The following BRF1 variants were observed in gnomAD, a reference collection of about 807,000 sequenced individuals.
BRF1 encodes BRF1 general transcription factor IIIB subunit.
A neutral mutation model predicts 81.7 loss-of-function variants in BRF1; 59 were observed. The ratio of observed to expected loss-of-function variants is 0.72; its 90% CI spans 0.59 to 0.90. BRF1 has a LOEUF of 0.90. Among genes scored for constraint, BRF1 ranks in the 40% least tolerant of loss-of-function variants. The probability of loss-of-function intolerance (pLI) is 0.00; values close to 1 mark genes in which losing one functional copy is unlikely to be tolerated. For missense variants in BRF1, 1,050 were observed against 936.3 expected (o/e 1.12, Z -1.58); for synonymous variants, 491 against 395.6 (o/e 1.24, Z -2.86).
At chr14:105,248,336 C>CG in intron 5 of BRF1, 2 of 985,490 alleles carry the variant, frequency 2.0e-6, no homozygotes, top group Non-Finnish European at 2.4e-6. Flanking sequence ...AACTGAAGAA[C>CG]GGGCGCAAGC....
chr14:105,217,820 AAT>A lies in BRF1; in HGVS notation c.1516-22_1516-21del. 2 of 1,606,170 alleles carry A rather than the reference AAT, an allele frequency of 1.2e-6. No homozygotes were observed. Among genetic ancestry groups the A allele is most frequent in the Non-Finnish European group, 1.7e-6 (2 of 1,175,852 alleles). On this transcript the variant is annotated intron_variant, in intron 14 of 17. Transcript: ENST00000547530. ...CTTGGGCTTGAGGGAAACAAGCAAG[AAT>A]GCCTCCCGTGAGTCACGCCCACTGC...
In BRF1 at chr14:105,212,408, C is replaced by T. The variant is rs373243258; in HGVS notation, c.1773-244G>A. ...TCGACACAAACACAGAAGCTGCAGA[C>T]GCCCCGCTCCCCAGCCCACTCCCCT... On this transcript the variant is annotated intron_variant, in intron 15 of 17. Transcript: ENST00000547530. 506 of 498,206 alleles carry T rather than the reference C, an allele frequency of 1.0e-3. 12 individuals are homozygous for T. The highest frequency in any genetic ancestry group is 8.6e-3 in the South Asian group (354 of 41,390). 30.9% of individuals were successfully genotyped at this position (498,206 alleles called of 1,614,324 possible). A position where few individuals can be genotyped will look rare whatever the true frequency, so the allele number is the denominator to read the frequency against.
intron 5 of BRF1, chr14:105,250,871 G>C (rs764422636): frequency 8.0e-6 from 5 of 627,232 alleles, no homozygotes; most frequent in Non-Finnish European, 1.4e-5. Flanking sequence ...TGGTACAGTG[G>C]GGTGCACGTC....
intron 1 of BRF1, among the ~76,000 whole-genome samples, chr14:105,294,275 G>T (rs778667973): frequency 6.6e-6 from 1 of 152,250 alleles, no homozygotes; most frequent in African/African-American, 2.4e-5. Context: ...CCTCCCTCCA[G>T]AGAGTGTGCC....
At chr14:105,216,172 G>A (rs1237149149) in intron 15 of BRF1, among the ~76,000 whole-genome samples, 2 of 152,052 alleles carry the variant, frequency 1.3e-5, no homozygotes, top group Admixed American at 6.6e-5. Context: ...CACACACAGA[G>A]AGACACACAT....
chr14:105,250,195 G>C (rs2055517581), intron 5 of BRF1: 1 of 1,612,966 alleles, frequency 6.2e-7, no homozygotes, highest in African/African-American at 1.3e-5. Context: ...ACTTTCCCCT[G>C]ACCAAGAGGA....
At chr14:105,216,468 G>C (rs587775890) in intron 15 of BRF1, among the ~76,000 whole-genome samples, 49 of 152,328 alleles carry the variant, frequency 3.2e-4, no homozygotes, top group South Asian at 1.7e-3. Flanking sequence ...CAGAGGACCA[G>C]TGCATGGCTG....
At chr14:105,215,157 G>C (rs866262199) in intron 15 of BRF1, among the ~76,000 whole-genome samples, 92 of 152,204 alleles carry the variant, frequency 6.0e-4, no homozygotes, top group African/African-American at 2.1e-3. Context: ...ACGCAGATGT[G>C]TGTGCACACA....
At chr14:105,279,322 C>G (rs587773926) in intron 2 of BRF1, among the ~76,000 whole-genome samples, 4 of 152,192 alleles carry the variant, frequency 2.6e-5, no homozygotes, top group African/African-American at 7.2e-5. Context: ...ACAAAGGACT[C>G]GAATCCAGAA....
At chr14:105,241,181 C>G (rs1376150530) in intron 6 of BRF1, 84 bp downstream of exon 6, 9 of 1,563,886 alleles carry the variant, frequency 5.8e-6, no homozygotes, top group African/African-American at 1.3e-5. Context: ...AACATACGGC[C>G]CAGCCCACCA....
At chr14:105,229,288 C>T (rs1453293904) in intron 6 of BRF1, among the ~76,000 whole-genome samples, 1 of 152,230 alleles carries the variant, frequency 6.6e-6, no homozygotes, top group African/African-American at 2.4e-5. Flanking sequence ...AGGGGCGAGG[C>T]CACAGCTGGC....
At position 105,212,154 on chromosome 14, in the gene BRF1, G is replaced by A; in HGVS notation, c.1783C>T (p.Leu595=). 2 of 1,612,446 alleles carry A rather than the reference G, an allele frequency of 1.2e-6. No individual in the cohort carries two copies. The highest frequency in any genetic ancestry group is 1.7e-6 in the Non-Finnish European group (2 of 1,179,536). The change falls in exon 16 of 18, where the codon CTG becomes TTG. Residue 595 remains leucine (L), a synonymous_variant. Transcript: ENST00000547530. ...VTSVGKRLRP[L]VSTQPAKKVA... ...TTCTTTGCTGGCTGCGTAGACACCAGAGGCCTCAACCTGCAAAAGGAAGCA... is the reference window on the plus strand; with the variant it reads ...TTCTTTGCTGGCTGCGTAGACACCAAAGGCCTCAACCTGCAAAAGGAAGCA...
In BRF1 at chr14:105,221,873, C is replaced by T. The variant is rs1184465532; in HGVS notation, c.1090G>A (p.Asp364Asn). ...DTASSLCGEE[D>N]TEDEELEAAA... The stretch of plus-strand genomic sequence containing the variant: ...GCTTCCAGCTCCTCGTCCTCTGTGT[C>T]CTCCTCGCCACACAAGCTGGACGCG... Residue 364 changes from aspartate (D) to asparagine (N), a missense_variant, in exon 11 of 18, where the codon GAC becomes AAC. Asp to Asn is a conservative substitution (Grantham distance 23, BLOSUM62 1). Coordinates refer to ENST00000547530, the MANE Select transcript of BRF1 (RefSeq NM_001519.4). 7 of 1,601,866 alleles carry T rather than the reference C, an allele frequency of 4.4e-6. No homozygotes were observed. The highest frequency in any genetic ancestry group is 6.0e-6 in the Non-Finnish European group (7 of 1,174,698).
At chr14:105,245,959 G>A (rs1034379964) in intron 5 of BRF1, among the ~76,000 whole-genome samples, 1 of 152,184 alleles carries the variant, frequency 6.6e-6, no homozygotes, top group Non-Finnish European at 1.5e-5. Context: ...CACAGCAAAG[G>A]AATCTATTAA....
intron 10 of BRF1, 83 bp from the exon 11 acceptor site, chr14:105,221,997 C>T: frequency 1.4e-6 from 2 of 1,472,150 alleles, no homozygotes; most frequent in Non-Finnish European, 1.8e-6. Context: ...TACCAAGCTG[C>T]CAGGTAACCC....
intron 10 of BRF1, 57 bp downstream of exon 10, chr14:105,226,009 TCTG>T: frequency 2.0e-6 from 3 of 1,468,046 alleles, no homozygotes; most frequent in Non-Finnish European, 2.8e-6. Flanking sequence ...CCTGAAGAGA[TCTG>T]CTGAGACTCT....
At chr14:105,308,241 G>A (rs1204177442) in intron 1 of BRF1, among the ~76,000 whole-genome samples, 2 of 152,054 alleles carry the variant, frequency 1.3e-5, no homozygotes, top group African/African-American at 4.8e-5. Flanking sequence ...CAGCACTTTG[G>A]GAGGCTGAGG....
intron 1 of BRF1, 34 bp from the exon 2 acceptor site, chr14:105,286,410 C>T: frequency 1.3e-6 from 2 of 1,589,970 alleles, no homozygotes; most frequent in Non-Finnish European, 1.7e-6. Flanking sequence ...TCAGCCAAAA[C>T]TTGGAGATCT....
intron 1 of BRF1, among the ~76,000 whole-genome samples, chr14:105,294,984 C>T (rs4403997): frequency 0.044 from 6,641 of 152,230 alleles, 270 homozygotes; most frequent in Admixed American, 0.12. Context: ...CAGATGGCTA[C>T]GCTGGTGAAT....
Sources: gnomAD v4.1 joint callset for allele counts (sites outside exome capture counted in the v4.1 genomes callset) on GRCh38, gnomAD v4.1.1 for gene constraint, MANE v1.5 for transcripts, NCBI Gene and HGNC (gene_info 2026-07-23, HGNC 2026-07-21) for gene names.